The following IFT140 variants were observed in gnomAD, a reference collection of about 807,000 sequenced individuals.
The protein encoded by IFT140 is intraflagellar transport 140.
Under a neutral mutation model 164.6 loss-of-function variants are expected in IFT140, and 133 were observed. The ratio of observed to expected loss-of-function variants is 0.81; its 90% CI spans 0.70 to 0.93. The LOEUF is 0.93. Ranked by LOEUF, IFT140 falls within the 40% of genes least tolerant of loss-of-function variation. IFT140 has a pLI of 0.00. For missense variants in IFT140, 2,045 were observed against 1,972.3 expected, an observed-to-expected ratio of 1.04 and a Z score of -0.70; for synonymous variants, 860 against 817.3, an observed-to-expected ratio of 1.05 and a Z score of -0.89.
chr16:1,575,745 GC>G (rs1567391214), intron 13 of IFT140, among the ~76,000 whole-genome samples: 1 of 151,218 alleles, frequency 6.6e-6, no homozygotes, highest in Non-Finnish European at 1.5e-5. Flanking sequence ...CTCCCAGCAG[GC>G]CATTCACCCT....
At chr16:1,536,631 G>T (rs558113613) in intron 19 of IFT140, among the ~76,000 whole-genome samples, 2 of 152,304 alleles carry the variant, frequency 1.3e-5, no homozygotes, top group Non-Finnish European at 2.9e-5. Context: ...TTTATTTTAA[G>T]ACAGAGTCTT....
At chr16:1,600,957 A>C (rs548500856) in intron 4 of IFT140, among the ~76,000 whole-genome samples, 189 of 152,030 alleles carry the variant, frequency 1.2e-3, no homozygotes, top group Non-Finnish European at 2.4e-3. Flanking sequence ...CTGACCAGGG[A>C]ATTGTTCTTG....
chr16:1,608,797 C>A (rs2036204920), intron 2 of IFT140, among the ~76,000 whole-genome samples: 2 of 152,098 alleles, frequency 1.3e-5, no homozygotes, highest in Non-Finnish European at 2.9e-5. Context: ...CTCACTGTAG[C>A]CTTGAACTCC....
chr16:1,591,408 A>G (rs1473827817), intron 6 of IFT140, among the ~76,000 whole-genome samples: 1 of 152,150 alleles, frequency 6.6e-6, no homozygotes, highest in African/African-American at 2.4e-5. Context: ...TTATTTAAAA[A>G]TTACAAAAAC....
In IFT140 at chr16:1,584,313, C is replaced by G; in HGVS notation, c.1263G>C (p.Gln421His). The part of the protein sequence containing the change: ...SHFHQQVAAM[Q>H]VSPSLLNVCF... ...ACACATTCAGCAGACTCGGGGAGAC[C>G]TGCATGGCGGCCACTTGCTGGTGGA... is the stretch of plus-strand genomic sequence containing the variant. The change falls in exon 11 of 31, where the codon CAG (glutamine) becomes CAC (histidine). Residue 421 changes from glutamine (Q) to histidine (H), a missense_variant. Physicochemically the swap from Gln to His is conservative, Grantham distance 24. Coordinates refer to ENST00000426508, the MANE Select transcript of IFT140 (RefSeq NM_014714.4). 6.2e-7 allele frequency: 1 copy of G among 1,613,710 alleles called. No individual in the cohort carries two copies. Among genetic ancestry groups the G allele is most frequent in the South Asian group, 1.1e-5 (1 of 91,034 alleles).
Position 1,524,821 on chromosome 16 carries a change from A to C in IFT140, c.2960T>G (p.Leu987Arg). 1 of 1,612,372 alleles carries C rather than the reference A, an allele frequency of 6.2e-7. No homozygotes were observed. Among genetic ancestry groups the C allele is most frequent in the Non-Finnish European group, 8.5e-7 (1 of 1,178,850 alleles). The change falls in exon 23 of 31, where the codon CTG becomes CGG. Residue 987 changes from leucine to arginine, a missense_variant. Physicochemically the swap from Leu to Arg is moderately radical, Grantham distance 102. Transcript: ENST00000426508. ...GCCCTGGAAGCAGTGGATGCGGACCAGGGAGAAGTGGTCCCGGGCCAGCTC... is the reference window on the plus strand; with the variant it reads ...GCCCTGGAAGCAGTGGATGCGGACCCGGGAGAAGTGGTCCCGGGCCAGCTC... The part of the protein sequence containing the change: ...YYELARDHFS[L>R]VRIHCFQGNV...
chr16:1,562,827 C>A (rs778562555), intron 17 of IFT140, among the ~76,000 whole-genome samples: 1 of 152,080 alleles, frequency 6.6e-6, no homozygotes, highest in Non-Finnish European at 1.5e-5. Flanking sequence ...AGAGCCCCGA[C>A]CCTGCTTTCA....
At chr16:1,554,636 G>A in intron 19 of IFT140, 1 of 1,260,242 alleles carries the variant, frequency 7.9e-7, no homozygotes, top group Non-Finnish European at 1.1e-6. Flanking sequence ...GCTGGGGAAG[G>A]ATAAAGCAGG....
At position 1,606,997 on chromosome 16, in the gene IFT140, C is replaced by A. The variant is rs1328372628; in HGVS notation, c.147+123G>T. The A allele has an allele frequency of 3.3e-6, 3 of 895,712 alleles. No homozygotes were observed. In the East Asian group the frequency reaches 7.3e-5, roughly 22 times the overall value. 55.5% of individuals were successfully genotyped at this position (895,712 alleles called of 1,614,324 possible). ...ATACACATACACGCACACACAGATG[C>A]ATGTATACACACACACACCCATAGG... On this transcript the variant is annotated intron_variant, in intron 3 of 30. Coordinates refer to ENST00000426508, the MANE Select transcript of IFT140 (RefSeq NM_014714.4).
intron 19 of IFT140, among the ~76,000 whole-genome samples, chr16:1,550,034 C>A (rs541307568): frequency 1.3e-5 from 2 of 152,194 alleles, no homozygotes; most frequent in Middle Eastern, 6.8e-3. Context: ...CGGCTTACTG[C>A]AGACTCGACC....
intron 19 of IFT140, among the ~76,000 whole-genome samples, chr16:1,544,718 G>C (rs191374597): frequency 1.3e-5 from 2 of 151,336 alleles, no homozygotes; most frequent in Non-Finnish European, 2.9e-5. Flanking sequence ...GCGCGATCTC[G>C]GCTCACTGCA....
Position 1,553,210 on chromosome 16 carries a change from GTC to G in IFT140, c.2399+4723_2399+4724del. The G allele has an allele frequency of 1.0e-6, 1 of 979,312 alleles. No individual in the cohort carries two copies. Among genetic ancestry groups the G allele is most frequent in the Non-Finnish European group, 1.2e-6 (1 of 824,498 alleles). 60.7% of individuals were successfully genotyped at this position (979,312 alleles called of 1,614,324 possible). On this transcript the variant is annotated intron_variant, in intron 19 of 30. Coordinates refer to ENST00000426508, the MANE Select transcript of IFT140 (RefSeq NM_014714.4). The surrounding 1 kb of genome is among the most constrained non-coding windows in gnomAD (Gnocchi z 4.4). ...TCTCCTTCCCTGTGTCTCTGTCTCT[GTC>G]TCTCTCTGTCTCCATCTGTCTCTGT...
intron 4 of IFT140, among the ~76,000 whole-genome samples, chr16:1,594,706 G>C (rs552673727): frequency 1.3e-5 from 2 of 152,200 alleles, no homozygotes; most frequent in Non-Finnish European, 2.9e-5. Context: ...AGGGGAGGAC[G>C]GCTCCACAGG....
chr16:1,525,004 A>G, intron 22 of IFT140, 88 bp from the exon 23 acceptor site: 1 of 1,514,012 alleles, frequency 6.6e-7, no homozygotes, highest in Non-Finnish European at 8.9e-7. Flanking sequence ...CCACCCTTAG[A>G]GTGCATGTCA....
chr16:1,525,747 G>T, intron 21 of IFT140, 140 bp downstream of exon 21: 1 of 891,360 alleles, frequency 1.1e-6, no homozygotes, highest in Non-Finnish European at 1.6e-6. Context: ...GAAGCTTCCT[G>T]CCGAGAAGGC....
chr16:1,538,589 C>T (rs1192853219), intron 19 of IFT140, among the ~76,000 whole-genome samples: 3 of 152,206 alleles, frequency 2.0e-5, no homozygotes. Flanking sequence ...GCTCCTCTCT[C>T]GAACATGACC....
At position 1,524,781 on chromosome 16, in the gene IFT140, T is replaced by C. The variant is rs2040628786; in HGVS notation, c.2997+3A>G. The C allele has an allele frequency of 1.9e-5, 31 of 1,603,564 alleles. No individual in the cohort carries two copies. In the East Asian group the frequency reaches 6.5e-4, roughly 34 times the overall value. On this transcript the variant is annotated splice_donor_region_variant and intron_variant, in intron 23 of 30. Coordinates refer to ENST00000426508, the MANE Select transcript of IFT140 (RefSeq NM_014714.4). The stretch of plus-strand genomic sequence containing the variant: ...CTGGCCGGCTCCCCTGCGGGGACCT[T>C]ACCTTCTGGACATTGCCCTGGAAGC...
At chr16:1,519,111 C>T (rs552037215) in intron 29 of IFT140, among the ~76,000 whole-genome samples, 1 of 152,364 alleles carries the variant, frequency 6.6e-6, no homozygotes, top group Admixed American at 6.5e-5. Flanking sequence ...TGCCCTGTGG[C>T]CTCAGCTCAG....
At chr16:1,591,374 A>G (rs896160017) in intron 6 of IFT140, among the ~76,000 whole-genome samples, 1 of 151,962 alleles carries the variant, frequency 6.6e-6, no homozygotes, top group African/African-American at 2.4e-5. Flanking sequence ...CTATGTCTTC[A>G]CCTTCTAAAA....
Sources: gnomAD v4.1 joint callset for allele counts (sites outside exome capture counted in the v4.1 genomes callset) on GRCh38, gnomAD v4.1.1 for gene constraint, Gnocchi (gnomAD v3.1) non-coding constraint, MANE v1.5 for transcripts, NCBI Gene and HGNC (gene_info 2026-07-23, HGNC 2026-07-21) for gene names.